The following PRSS55 variants were observed in gnomAD, a reference collection of about 807,000 sequenced individuals.
PRSS55 encodes the protein serine protease 55.
In PRSS55, 41 loss-of-function variants were observed where a neutral mutation model predicts 23.6. The observed-to-expected ratio is 1.74, with a 90% CI of 1.35 to 2.26. PRSS55 has a LOEUF of 2.26. PRSS55 is among the 30% of genes most tolerant of loss of function. The pLI is 0.00. For missense variants in PRSS55, 669 were observed against 439.1 expected, an observed-to-expected ratio of 1.52 and a Z score of -4.68; for synonymous variants, 262 against 175.5, an observed-to-expected ratio of 1.49 and a Z score of -3.90.
intron 1 of PRSS55, among the ~76,000 whole-genome samples, chr8:10,526,254 G>A (rs528300882): frequency 2.0e-5 from 3 of 152,308 alleles, no homozygotes; most frequent in African/African-American, 7.2e-5. Flanking sequence ...CATGTTTAAC[G>A]CCCACACCAC....
chr8:10,532,928 G>C lies in PRSS55; in HGVS notation c.621G>C (p.Thr207=). 6.2e-7 allele frequency: 1 copy of C among 1,614,158 alleles called. No homozygotes were observed. The highest frequency in any genetic ancestry group is 8.5e-7 in the Non-Finnish European group (1 of 1,180,018). Residue 207 remains threonine, a synonymous_variant, in exon 4 of 5, where the codon ACG becomes ACC. Coordinates refer to ENST00000328655, the MANE Select transcript of PRSS55 (RefSeq NM_198464.4). Reference sequence around the variant, plus strand: ...CAGCTGACAAAAACTCTGTGAAAACGGATCTGATGAAAGCGCCAATGGTCA... The same window carrying C: ...CAGCTGACAAAAACTCTGTGAAAACCGATCTGATGAAAGCGCCAATGGTCA... ...TNAADKNSVK[T]DLMKAPMVIM...
chr8:10,539,732 G>A (rs1563544571), downstream of PRSS55, among the ~76,000 whole-genome samples: 1 of 152,172 alleles, frequency 6.6e-6, no homozygotes, highest in East Asian at 1.9e-4. Flanking sequence ...TGCCATGTAA[G>A]ATGTGCCTTT....
downstream of PRSS55, among the ~76,000 whole-genome samples, chr8:10,543,463 CCTTT>C (rs754211855): frequency 0.063 from 3,112 of 49,684 alleles, 271 homozygotes; most frequent in African/African-American, 0.17. Flanking sequence ...TTCCTTCCTT[CCTTT>C]CTTTCTTTCT....
At chr8:10,540,261 C>T (rs913615060), downstream of PRSS55, 1 of 152,310 alleles carries the variant, frequency 6.6e-6, no homozygotes, top group Non-Finnish European at 1.5e-5. Context: ...CATGTAGACC[C>T]AGCGCTGCCG....
At position 10,531,424 on chromosome 8, in the gene PRSS55, G is replaced by C. The variant is rs770206966; in HGVS notation, c.477G>C (p.Leu159Phe). The change falls in exon 3 of 5, where the codon TTG becomes TTC. Residue 159 changes from leucine to phenylalanine, a missense_variant. Leu to Phe is a conservative substitution (Grantham distance 22, BLOSUM62 0). Coordinates refer to ENST00000328655, the MANE Select transcript of PRSS55 (RefSeq NM_198464.4). ...CCAACATGGACAATGACATTGCCTT[G>C]CTGCTGCTGGCTTCGCCCATCAAGC... Reference protein sequence around the residue: ...KRANMDNDIALLLLASPIKLD... With the variant: ...KRANMDNDIAFLLLASPIKLD... 4.3e-6 allele frequency: 7 copies of C among 1,614,086 alleles called. No homozygotes were observed. The highest frequency in any genetic ancestry group is 1.3e-5 in the African/African-American group (1 of 74,950).
chr8:10,542,110 G>A (rs529869101), downstream of PRSS55, among the ~76,000 whole-genome samples: 1 of 152,194 alleles, frequency 6.6e-6, no homozygotes, highest in East Asian at 1.9e-4. Context: ...GTTTTGTCAT[G>A]ATATGGAAAT....
At chr8:10,526,939 G>A (rs1812044569) in intron 1 of PRSS55, among the ~76,000 whole-genome samples, 1 of 152,174 alleles carries the variant, frequency 6.6e-6, no homozygotes, top group South Asian at 2.1e-4. Context: ...TCAAGCTTGG[G>A]CTGTCTGGCC....
intron 1 of PRSS55, among the ~76,000 whole-genome samples, chr8:10,526,837 T>C (rs1361919095): frequency 6.6e-6 from 1 of 152,384 alleles, no homozygotes; most frequent in African/African-American, 2.4e-5. Context: ...CATTATCTTA[T>C]GCTTATTTTA....
intron 4 of PRSS55, among the ~76,000 whole-genome samples, chr8:10,535,007 T>C (rs1357059353): frequency 6.6e-6 from 1 of 151,994 alleles, no homozygotes; most frequent in Admixed American, 6.6e-5. Flanking sequence ...ATACAGACAA[T>C]CAGGGAGGTG....
chr8:10,545,189 C>A, intron 4 of PRSS55: 1 of 155,742 alleles, frequency 6.4e-6, no homozygotes, highest in Non-Finnish European at 1.2e-5. Context: ...AAATAAAATG[C>A]AAGCCCACAC....
chr8:10,540,682 T>TC (rs1445346933), downstream of PRSS55: 2 of 151,992 alleles, frequency 1.3e-5, no homozygotes, highest in African/African-American at 4.8e-5. Context: ...GCCACTGCAC[T>TC]CCGGCCTGGG....
intron 4 of PRSS55, among the ~76,000 whole-genome samples, chr8:10,550,533 T>C (rs1812928909): frequency 6.6e-6 from 1 of 152,172 alleles, no homozygotes; most frequent in South Asian, 2.1e-4. Flanking sequence ...TCCAGCACAC[T>C]CCCAGCTGAT....
At chr8:10,545,412 A>T (rs1812791832) in intron 4 of PRSS55, among the ~76,000 whole-genome samples, 1 of 152,286 alleles carries the variant, frequency 6.6e-6, no homozygotes. Flanking sequence ...CCAGGCTGCA[A>T]ACTTTATTAT....
At chr8:10,548,067 T>G (rs1367667869) in intron 4 of PRSS55, among the ~76,000 whole-genome samples, 1 of 151,914 alleles carries the variant, frequency 6.6e-6, no homozygotes, top group Non-Finnish European at 1.5e-5. Flanking sequence ...ACAGGACTGC[T>G]CCGTGTGAAA....
intron 1 of PRSS55, among the ~76,000 whole-genome samples, chr8:10,528,311 A>G (rs1277746209): frequency 6.6e-6 from 1 of 152,174 alleles, no homozygotes; most frequent in Non-Finnish European, 1.5e-5. Flanking sequence ...TAAACCAAAA[A>G]TGACCACCAC....
downstream of PRSS55, among the ~76,000 whole-genome samples, chr8:10,539,935 G>C (rs1224466790): frequency 6.6e-6 from 1 of 152,212 alleles, no homozygotes; most frequent in African/African-American, 2.4e-5. Context: ...GAGGCAGGCA[G>C]GCCTGAGCTC....
chr8:10,543,476 CT>C (rs1812726121), downstream of PRSS55, among the ~76,000 whole-genome samples: 1 of 28,220 alleles, frequency 3.5e-5, no homozygotes, highest in African/African-American at 7.5e-5. Flanking sequence ...TTCTTTCTTT[CT>C]CTCTTTTTTT....
chr8:10,540,270 C>A (rs111702945), downstream of PRSS55: 1 of 152,410 alleles, frequency 6.6e-6, no homozygotes, highest in African/African-American at 2.4e-5. Flanking sequence ...CCAGCGCTGC[C>A]GCGTGCTTCT....
chr8:10,534,046 G>T (rs1336183731), intron 4 of PRSS55, among the ~76,000 whole-genome samples: 2 of 152,040 alleles, frequency 1.3e-5, no homozygotes, highest in African/African-American at 4.8e-5. Flanking sequence ...CCCCCCATGT[G>T]GTGAATACTG....
Sources: gnomAD v4.1 joint callset for allele counts (sites outside exome capture counted in the v4.1 genomes callset) on GRCh38, gnomAD v4.1.1 for gene constraint, MANE v1.5 for transcripts, NCBI Gene and HGNC (gene_info 2026-07-23, HGNC 2026-07-21) for gene names.